Variants in ERC2 observed in about 807,000 individuals in gnomAD.
ERC2 encodes the protein ERC protein 2.
Under a neutral mutation model 114.8 loss-of-function variants are expected in ERC2, and 42 were observed. That is an observed-to-expected ratio of 0.37 (90% CI 0.29 to 0.47). The LOEUF (loss-of-function observed/expected upper bound fraction) is 0.47, where lower values mean the gene tolerates loss of function less well. Ranked by LOEUF, ERC2 falls within the 20% of genes least tolerant of loss-of-function variation. The pLI is 0.99. For missense variants in ERC2, 939 were observed against 1,150.7 expected, an observed-to-expected ratio of 0.82 and a Z score of 2.66; for synonymous variants, 454 against 425.5, an observed-to-expected ratio of 1.07 and a Z score of -0.82.
intron 14 of ERC2, among the ~76,000 whole-genome samples, chr3:55,753,680 C>A (rs112176504): frequency 9.9e-5 from 15 of 152,206 alleles, no homozygotes; most frequent in Non-Finnish European, 1.5e-4. Context: ...CATAAATTCA[C>A]GAACGGAAAA....
At chr3:55,875,690 TCACACACACACACA>T (rs71621803) in intron 14 of ERC2, among the ~76,000 whole-genome samples, 1 of 144,638 alleles carries the variant, frequency 6.9e-6, no homozygotes, top group Non-Finnish European at 1.5e-5. Context: ...CTAAACTCAT[TCACACACACACACA>T]CACACACACA....
At chr3:56,032,828 C>T (rs1285040158) in intron 7 of ERC2, among the ~76,000 whole-genome samples, 1 of 128,772 alleles carries the variant, frequency 7.8e-6, no homozygotes, top group Non-Finnish European at 1.7e-5. Context: ...ATAGTGAGAC[C>T]CTGTCTGTTG....
At chr3:55,819,191 T>G (rs1480729011) in intron 14 of ERC2, among the ~76,000 whole-genome samples, 1 of 152,220 alleles carries the variant, frequency 6.6e-6, no homozygotes, top group Non-Finnish European at 1.5e-5. Flanking sequence ...TAAACTATTG[T>G]TCTCGATTAA....
chr3:55,739,770 AT>A (rs1249395870), intron 14 of ERC2, among the ~76,000 whole-genome samples: 1 of 151,908 alleles, frequency 6.6e-6, no homozygotes, highest in East Asian at 1.9e-4. Context: ...ATTAGATCCC[AT>A]TTGTCAATTT....
intron 15 of ERC2, among the ~76,000 whole-genome samples, chr3:55,715,731 A>T (rs991808221): frequency 6.6e-6 from 1 of 152,222 alleles, no homozygotes; most frequent in African/African-American, 2.4e-5. Context: ...GGAAACTGGT[A>T]GAAAAATAGG....
At chr3:56,118,117 T>C (rs1466230853) in intron 6 of ERC2, among the ~76,000 whole-genome samples, 1 of 152,226 alleles carries the variant, frequency 6.6e-6, no homozygotes. Context: ...ACAATCCTGG[T>C]CTGCCACTTC....
chr3:55,778,870 C>A, intron 14 of ERC2, among the ~76,000 whole-genome samples: 1 of 151,662 alleles, frequency 6.6e-6, no homozygotes, highest in East Asian at 1.9e-4. Flanking sequence ...AAAGTTTAAT[C>A]AAGGAGAAAA....
At chr3:55,918,860 A>AT (rs748478659) in intron 13 of ERC2, among the ~76,000 whole-genome samples, 33 of 151,356 alleles carry the variant, frequency 2.2e-4, no homozygotes, top group Non-Finnish European at 3.7e-4. Flanking sequence ...AAAACACAGC[A>AT]TTGTGTAAAT....
intron 2 of ERC2, among the ~76,000 whole-genome samples, chr3:56,317,316 T>C (rs1193398303): frequency 6.6e-6 from 1 of 152,104 alleles, no homozygotes; most frequent in Non-Finnish European, 1.5e-5. Context: ...ATGCATGGCA[T>C]CTTGGGTGGA....
At chr3:56,386,802 A>G (rs1325674216) in intron 2 of ERC2, among the ~76,000 whole-genome samples, 1 of 152,206 alleles carries the variant, frequency 6.6e-6, no homozygotes. Context: ...TGTATCCAAT[A>G]TAATGCTAAT....
At chr3:56,307,739 G>GTTA (rs1037017530) in intron 2 of ERC2, among the ~76,000 whole-genome samples, 11 of 152,000 alleles carry the variant, frequency 7.2e-5, no homozygotes, top group African/African-American at 2.7e-4. Flanking sequence ...TTCTGCAGAT[G>GTTA]TTAATACGTG....
intron 11 of ERC2, among the ~76,000 whole-genome samples, chr3:55,991,352 G>C (rs1488314785): frequency 6.6e-6 from 1 of 152,146 alleles, no homozygotes; most frequent in African/African-American, 2.4e-5. Flanking sequence ...TTTTCAGAAA[G>C]TTTTTTCCTT....
chr3:55,711,459 A>G (rs2063774556), intron 15 of ERC2, among the ~76,000 whole-genome samples: 1 of 152,212 alleles, frequency 6.6e-6, no homozygotes, highest in Non-Finnish European at 1.5e-5. Context: ...TTTACAAACA[A>G]TATCTCCAAT....
chr3:56,131,190 A>G (rs914991112), intron 6 of ERC2, among the ~76,000 whole-genome samples: 8 of 152,120 alleles, frequency 5.3e-5, no homozygotes, highest in Non-Finnish European at 1.0e-4. Context: ...ACTGTTTTGC[A>G]GGTTTATGTC....
intron 14 of ERC2, among the ~76,000 whole-genome samples, chr3:55,841,367 C>A (rs141536982): frequency 5.3e-5 from 8 of 152,224 alleles, no homozygotes; most frequent in Middle Eastern, 3.4e-3. Flanking sequence ...ACTTCCCCTG[C>A]ACACACTCTC....
intron 14 of ERC2, among the ~76,000 whole-genome samples, chr3:55,815,811 T>G (rs186610005): frequency 6.6e-6 from 1 of 152,250 alleles, no homozygotes; most frequent in African/African-American, 2.4e-5. Flanking sequence ...TTGTCAAAAC[T>G]GGTAAGGGGG....
intron 10 of ERC2, among the ~76,000 whole-genome samples, chr3:55,999,289 A>G (rs2071846039): frequency 6.6e-6 from 1 of 152,160 alleles, no homozygotes; most frequent in Non-Finnish European, 1.5e-5. Context: ...AAAAATAATG[A>G]TATCAAGGCA....
At chr3:56,352,468 T>G (rs1037485709) in intron 2 of ERC2, among the ~76,000 whole-genome samples, 2 of 152,094 alleles carry the variant, frequency 1.3e-5, no homozygotes, top group Non-Finnish European at 2.9e-5. Context: ...AGGACAAGAT[T>G]GCGGGGAGGT....
At chr3:55,767,375 G>A (rs1469315737) in intron 14 of ERC2, among the ~76,000 whole-genome samples, 1 of 152,140 alleles carries the variant, frequency 6.6e-6, no homozygotes, top group Non-Finnish European at 1.5e-5. Context: ...GACCCCAGAG[G>A]CTTCGGCAAG....
Sources: allele counts gnomAD v4.1 joint callset (sites outside exome capture counted in the v4.1 genomes callset), GRCh38; gene constraint gnomAD v4.1.1; transcripts MANE v1.5; gene names NCBI Gene and HGNC (gene_info 2026-07-23, HGNC 2026-07-21).